RFXANK: variants seen among roughly 807,000 people sequenced by gnomAD.
RFXANK encodes the protein DNA-binding protein RFXANK.
Under a neutral mutation model 34.5 loss-of-function variants are expected in RFXANK, and 19 were observed. The ratio of observed to expected loss-of-function variants is 0.55; its 90% confidence interval spans 0.38 to 0.81. RFXANK has a LOEUF of 0.81. Among genes scored for constraint, RFXANK ranks in the 30% least tolerant of loss-of-function variants. The pLI, the probability that RFXANK is intolerant of heterozygous loss-of-function variation, is 0.00. For synonymous variants in RFXANK, 154 were observed against 149.8 expected (o/e 1.03, Z -0.20); for missense variants, 295 against 343.5 (o/e 0.86, Z 1.12).
chr19:19,200,568 T>A (rs967716159), intron 9 of RFXANK, among the ~76,000 whole-genome samples: 3 of 151,996 alleles, frequency 2.0e-5, no homozygotes, highest in African/African-American at 7.3e-5. Context: ...TTCCCCAGCC[T>A]CCTGAGTAGC....
chr19:19,196,640 G>A (rs1199556584), intron 3 of RFXANK, among the ~76,000 whole-genome samples: 1 of 152,066 alleles, frequency 6.6e-6, no homozygotes, highest in East Asian at 1.9e-4. Context: ...TGAGGCAGGT[G>A]GATGATTTGA....
In RFXANK at chr19:19,198,688, G is replaced by A. The variant is rs769155207; in HGVS notation, c.596G>A (p.Arg199His). 21 of 1,613,794 alleles carry A rather than the reference G, an allele frequency of 1.3e-5. No homozygotes were observed. The highest frequency in any genetic ancestry group is 1.6e-4 in the Middle Eastern group (1 of 6,084). Residue 199 changes from arginine to histidine, a missense_variant, in exon 8 of 10, where the codon CGC (arginine) becomes CAC (histidine). Arg to His is a conservative substitution (Grantham distance 29, BLOSUM62 0). Transcript: ENST00000303088. ...NGGTPLLYAV[R>H]GNHVKCVEAL... ...GGGACGCCACTGCTGTACGCTGTGCGCGGGAACCACGTGAAATGCGTTGAG... is the reference window on the plus strand; with the variant it reads ...GGGACGCCACTGCTGTACGCTGTGCACGGGAACCACGTGAAATGCGTTGAG...
chr19:19,198,750 G>T, intron 8 of RFXANK, 27 bp downstream of exon 8: 1 of 1,612,494 alleles, frequency 6.2e-7, no homozygotes, highest in Non-Finnish European at 8.5e-7. Context: ...AGTGGCCCTG[G>T]GGGCCCCAGC....
chr19:19,196,524 C>T lies in RFXANK; in HGVS notation c.188-439C>T, dbSNP rs1056321871. On this transcript the variant is annotated intron_variant, in intron 3 of 9. Coordinates refer to ENST00000303088, the MANE Select transcript of RFXANK (RefSeq NM_003721.4). ...CTGAAGTGAACTGTGATCACACCAC[C>T]GCACTCCAGCCTGGACAACAGAGCA... 8.0e-5 allele frequency among the ~76,000 whole-genome samples: 12 copies of T among 149,532 alleles called. No individual in the cohort carries two copies. The South Asian group carries it at 1.5e-3, about 18-fold the overall frequency.
At chr19:19,199,672 G>A (rs987998320) in intron 9 of RFXANK, among the ~76,000 whole-genome samples, 5 of 152,160 alleles carry the variant, frequency 3.3e-5, no homozygotes, top group African/African-American at 1.2e-4. Flanking sequence ...GGTGGGAGGA[G>A]TGGCCCCTGC....
Position 19,201,818 on chromosome 19 carries a change from G to A in RFXANK, c.*99G>A, listed in dbSNP as rs2060724843. 6.2e-7 allele frequency: 1 copy of A among 1,612,120 alleles called. No homozygotes were observed. Among genetic ancestry groups the A allele is most frequent in the African/African-American group, 1.3e-5 (1 of 74,886 alleles). On this transcript the variant is annotated 3_prime_UTR_variant, in exon 10 of 10. Transcript: ENST00000303088. ...TTCAAAGGCAGCTTCTGGACAGGTGGTGGGAGGGGACCCTTCCCAAGAGGA... is the reference window on the plus strand; with the variant it reads ...TTCAAAGGCAGCTTCTGGACAGGTGATGGGAGGGGACCCTTCCCAAGAGGA...
intron 9 of RFXANK, among the ~76,000 whole-genome samples, chr19:19,199,579 G>A (rs1027662216): frequency 6.6e-6 from 1 of 152,126 alleles, no homozygotes; most frequent in Non-Finnish European, 1.5e-5. Flanking sequence ...TTGAGACCCC[G>A]AGAAGTGAGG....
chr19:19,201,621 A>G lies in RFXANK; in HGVS notation c.713-28A>G, dbSNP rs140834876. 1,483 of 1,613,910 alleles carry G rather than the reference A, an allele frequency of 9.2e-4. 7 individuals carry two copies. The highest frequency in any genetic ancestry group is 1.2e-3 in the Admixed American group (75 of 60,018). ...CACCCCACTCCCGATTCAAGCTCAC[A>G]GCCCACCTTTTCCCTGCCCCATCTC... is the stretch of plus-strand genomic sequence containing the variant. On this transcript the variant is annotated intron_variant, in intron 9 of 9. Coordinates refer to ENST00000303088, the MANE Select transcript of RFXANK (RefSeq NM_003721.4).
At position 19,193,792 on chromosome 19, in the gene RFXANK, C is replaced by G. The variant is rs1002811536; in HGVS notation, c.-8-147C>G. ...GGTAGACCTCGAAAGCAGTTGGACT[C>G]TGGTTTTCATTTCCCTGGCTCTGGT... On this transcript the variant is annotated intron_variant, in intron 2 of 9. Transcript: ENST00000303088. The G allele has an allele frequency of 8.5e-5, 76 of 899,132 alleles. 1 individual carries two copies. Among genetic ancestry groups the G allele is most frequent in the Admixed American group, 4.0e-4 (23 of 57,862 alleles). 55.7% of individuals were successfully genotyped at this position (899,132 alleles called of 1,614,324 possible).
chr19:19,198,963 C>T (rs2060649582), intron 8 of RFXANK, 191 bp from the exon 9 acceptor site: 1 of 758,726 alleles, frequency 1.3e-6, no homozygotes, highest in Non-Finnish European at 2.3e-6. Context: ...GGTTCAGAGA[C>T]CCTTCAGCCA....
At chr19:19,198,951 A>G in intron 8 of RFXANK, 1 of 752,232 alleles carries the variant, frequency 1.3e-6, no homozygotes, top group Non-Finnish European at 2.3e-6. Flanking sequence ...TCCATCCTCC[A>G]TGGTTCAGAG....
intron 3 of RFXANK, among the ~76,000 whole-genome samples, chr19:19,196,105 C>G (rs183860514): frequency 2.0e-5 from 3 of 152,248 alleles, no homozygotes; most frequent in South Asian, 2.1e-4. Flanking sequence ...GTCTGATGCA[C>G]CTACTTGACC....
chr19:19,197,087 G>A, intron 4 of RFXANK, 41 bp downstream of exon 4: 1 of 1,612,328 alleles, frequency 6.2e-7, no homozygotes, highest in Non-Finnish European at 8.5e-7. Flanking sequence ...AGGAGTAGGA[G>A]GGTGGGAGGG....
In RFXANK at chr19:19,193,843, A is replaced by G. The variant is rs1025990336; in HGVS notation, c.-8-96A>G. The G allele has an allele frequency of 6.5e-6, 9 of 1,387,296 alleles. No homozygotes were observed. In the African/African-American group the frequency reaches 1.1e-4, roughly 17 times the overall value. The allele number at this position is 1,387,296 out of a possible 1,614,324, so 85.9% of individuals were successfully genotyped here. A position where few individuals can be genotyped will look rare whatever the true frequency, so the allele number is the denominator to read the frequency against. On this transcript the variant is annotated intron_variant, in intron 2 of 9. Transcript: ENST00000303088. ...AATTAACCTGGACCTCAGTTTACCC[A>G]CCCTCACAGTGCAAGGCTAGGTATG...
chr19:19,197,763 C>T (rs543026448), intron 6 of RFXANK, 142 bp downstream of exon 6: 3 of 783,910 alleles, frequency 3.8e-6, no homozygotes, highest in Admixed American at 4.4e-5. Context: ...AATCCCAGCA[C>T]TTTGGGAGGC....
Position 19,201,748 on chromosome 19 carries a change from AGG to A in RFXANK, c.*31_*32del, listed in dbSNP as rs769324444. Reference sequence around the variant, plus strand: ...CCGCCTGCCGGGGACTCAGACACTCAGGGAACAAAATGGTCAGCCAGAGCTGG... The same window carrying A: ...CCGCCTGCCGGGGACTCAGACACTCAGAACAAAATGGTCAGCCAGAGCTGG... On this transcript the variant is annotated 3_prime_UTR_variant, in exon 10 of 10. Transcript: ENST00000303088. 1 of 1,613,734 alleles carries A rather than the reference AGG, an allele frequency of 6.2e-7. No individual in the cohort carries two copies. Among genetic ancestry groups the A allele is most frequent in the Non-Finnish European group, 8.5e-7 (1 of 1,179,934 alleles).
Position 19,201,846 on chromosome 19 carries a change from C to T in RFXANK, c.*127C>T. 1 of 1,611,722 alleles carries T rather than the reference C, an allele frequency of 6.2e-7. No individual in the cohort carries two copies. The highest frequency in any genetic ancestry group is 2.2e-5 in the East Asian group (1 of 44,832). ...GGAGGGGACCCTTCCCAAGAGGAACCAATAAACCTTCTGTGCAGAATGAGG... is the reference window on the plus strand; with the variant it reads ...GGAGGGGACCCTTCCCAAGAGGAACTAATAAACCTTCTGTGCAGAATGAGG... On this transcript the variant is annotated 3_prime_UTR_variant, in exon 10 of 10. Transcript: ENST00000303088.
chr19:19,196,388 C>T (rs999840285), intron 3 of RFXANK, among the ~76,000 whole-genome samples: 2 of 151,506 alleles, frequency 1.3e-5, no homozygotes, highest in African/African-American at 4.9e-5. Context: ...AGCAAGACTC[C>T]ATCTCTACCA....
At chr19:19,201,550 T>TC (rs2060717314) in intron 9 of RFXANK, 99 bp from the exon 10 acceptor site, 1 of 1,606,290 alleles carries the variant, frequency 6.2e-7, no homozygotes, top group South Asian at 1.1e-5. Context: ...TCTGCAAGGG[T>TC]CCCTGTTTGT....
Sources: gnomAD v4.1 joint callset for allele counts (sites outside exome capture counted in the v4.1 genomes callset) on GRCh38, gnomAD v4.1.1 for gene constraint, MANE v1.5 for transcripts, NCBI Gene and HGNC (gene_info 2026-07-23, HGNC 2026-07-21) for gene names.